The following TUBAL3 variants were observed in gnomAD, a reference collection of about 807,000 sequenced individuals.
The protein encoded by TUBAL3 is tubulin alpha like 3.
TUBAL3 carries 16 observed loss-of-function variants against 15.5 expected under a neutral mutation model. That is an observed-to-expected ratio of 1.04 (90% CI 0.70 to 1.57). The LOEUF (loss-of-function observed/expected upper bound fraction) is 1.57. Among genes scored for constraint, TUBAL3 ranks in the 40% most tolerant of loss-of-function variants. TUBAL3 has a pLI of 0.00. For synonymous variants in TUBAL3, 238 were observed against 224.3 expected, an observed-to-expected ratio of 1.06 and a Z score of -0.55; for missense variants, 609 against 576.2, an observed-to-expected ratio of 1.06 and a Z score of -0.58.
At position 5,393,791 on chromosome 10, in the gene TUBAL3, G is replaced by A. The variant is rs1554813756; in HGVS notation, c.1067C>T (p.Thr356Ile). The A allele has an allele frequency of 1.9e-6, 3 of 1,614,244 alleles. No homozygotes were observed. The highest frequency in any genetic ancestry group is 2.5e-6 in the Non-Finnish European group (3 of 1,180,044). Residue 356 changes from threonine (T) to isoleucine (I), a missense_variant, in exon 4 of 4, where the codon ACT (threonine) becomes ATT (isoleucine). Thr to Ile is a moderately conservative substitution (Grantham distance 89, BLOSUM62 -1). Transcript: ENST00000380419. ...ATTGTTGATGCCCACCTTGAAACCA[G>A]TTGGACACCAATCTACAAACTGAAC... ...HSVQFVDWCP[T>I]GFKVGINNRP...
At chr10:5,401,500 G>A (rs1046447371) in intron 1 of TUBAL3, among the ~76,000 whole-genome samples, 12 of 151,966 alleles carry the variant, frequency 7.9e-5, no homozygotes, top group Admixed American at 3.3e-4. Flanking sequence ...AATAAAATTA[G>A]CTAGTTATTG....
rs1831755131 is a variant in TUBAL3 at position 5,395,772 on chromosome 10, TA to T, written c.248-298del. On this transcript the variant is annotated intron_variant, in intron 2 of 3. Coordinates refer to ENST00000380419, the MANE Select transcript of TUBAL3 (RefSeq NM_024803.3). This position sits in a 1 kb window ranked among gnomAD's most constrained non-coding sequence, Gnocchi z 4.6. ...CTTAAAACAATAGGAATTTATTTCC[TA>T]ACAGCTCCAGAGGCTGGAAGTCTAA... is the stretch of plus-strand genomic sequence containing the variant. Among the ~76,000 whole-genome samples the T allele has an allele frequency of 6.6e-6, 1 of 152,186 alleles. No individual in the cohort carries two copies. Among genetic ancestry groups the T allele is most frequent in the Non-Finnish European group, 1.5e-5 (1 of 68,022 alleles).
At position 5,401,056 on chromosome 10, in the gene TUBAL3, G is replaced by C. The variant is rs1554814613; in HGVS notation, c.35C>G (p.Ala12Gly). The change falls in exon 2 of 4, where the codon GCT becomes GGT. Residue 12 changes from alanine (A) to glycine (G), a missense_variant. Ala to Gly is a moderately conservative substitution (Grantham distance 60). Coordinates refer to ENST00000380419, the MANE Select transcript of TUBAL3 (RefSeq NM_024803.3). ...RECLSIHIGQAGIQIGDACWE... is the reference protein window; with the variant it reads ...RECLSIHIGQGGIQIGDACWE... Reference sequence around the variant, plus strand: ...GCAGGCGTCCCCAATCTGGATGCCAGCTTGACCGATGTGGATGGAAAGGCA... The same window carrying C: ...GCAGGCGTCCCCAATCTGGATGCCACCTTGACCGATGTGGATGGAAAGGCA... The C allele has an allele frequency of 6.2e-7, 1 of 1,614,204 alleles. No individual in the cohort carries two copies. Among genetic ancestry groups the C allele is most frequent in the East Asian group, 2.2e-5 (1 of 44,884 alleles).
rs1554814249 is a variant in TUBAL3, at chr10:5,397,324, A to G, written c.248-1849T>C. Among the ~76,000 whole-genome samples the G allele has an allele frequency of 6.6e-6, 1 of 152,230 alleles. No individual in the cohort carries two copies. Among genetic ancestry groups the G allele is most frequent in the Non-Finnish European group, 1.5e-5 (1 of 68,042 alleles). On this transcript the variant is annotated intron_variant, in intron 2 of 3. Transcript: ENST00000380419. The surrounding 1 kb of genome is among the most constrained non-coding windows in gnomAD (Gnocchi z 4.9). The stretch of plus-strand genomic sequence containing the variant: ...TTTAAATAACTTTTAACTAGCTTAC[A>G]CACAAACCTCCCCCAGAGCTAGGAT...
rs112764418 is a variant in TUBAL3 at position 5,396,295 on chromosome 10, G to C, written c.248-820C>G. On this transcript the variant is annotated intron_variant, in intron 2 of 3. Coordinates refer to ENST00000380419, the MANE Select transcript of TUBAL3 (RefSeq NM_024803.3). The surrounding 1 kb of genome is among the most constrained non-coding windows in gnomAD (Gnocchi z 5.1). The stretch of plus-strand genomic sequence containing the variant: ...GGCTGAGGCAGGTGGATCACTTGAG[G>C]TCAGGAGCTTGAGACCAGCCTGGCC... 9.0e-4 allele frequency among the ~76,000 whole-genome samples: 137 copies of C among 152,190 alleles called. No individual in the cohort carries two copies. Among genetic ancestry groups the C allele is most frequent in the African/African-American group, 3.2e-3 (132 of 41,534 alleles).
chr10:5,393,673 C>T lies in TUBAL3; in HGVS notation c.1185G>A (p.Trp395Ter), dbSNP rs1423162275. 1 of 1,614,052 alleles carries T rather than the reference C, an allele frequency of 6.2e-7. No individual in the cohort carries two copies. Among genetic ancestry groups the T allele is most frequent in the Non-Finnish European group, 8.5e-7 (1 of 1,180,042 alleles). The change falls in exon 4 of 4, where the codon TGG becomes TGA. Residue 395 changes from tryptophan (W) to a stop codon, truncating the protein, a stop_gained. Coordinates refer to ENST00000380419, the MANE Select transcript of TUBAL3 (RefSeq NM_024803.3). LOFTEE classifies it high-confidence loss of function. ...GGTCAAACTTGTGGTCCAGGCGGGC[C>T]CAGGCCTCCACAATCGCCGTGGTGT... is the stretch of plus-strand genomic sequence containing the variant. The part of the protein sequence containing the change: ...LSNTTAIVEA[W>*]ARLDHKFDLM...
At chr10:5,402,521 GC>G (rs1831871439) in intron 1 of TUBAL3, among the ~76,000 whole-genome samples, 1 of 152,166 alleles carries the variant, frequency 6.6e-6, no homozygotes, top group Non-Finnish European at 1.5e-5. Context: ...CTGCCCTAAA[GC>G]CTGAGATTCA....
chr10:5,400,237 T>C (rs1831829081), intron 2 of TUBAL3, among the ~76,000 whole-genome samples: 2 of 152,236 alleles, frequency 1.3e-5, no homozygotes, highest in South Asian at 4.1e-4. Flanking sequence ...CAGTGCCTTC[T>C]AGCAAATGGC....
In TUBAL3 at chr10:5,395,931, C is replaced by T. The variant is rs1385871039; in HGVS notation, c.248-456G>A. On this transcript the variant is annotated intron_variant, in intron 2 of 3. Coordinates refer to ENST00000380419, the MANE Select transcript of TUBAL3 (RefSeq NM_024803.3). This position sits in a 1 kb window ranked among gnomAD's most constrained non-coding sequence, Gnocchi z 4.6. ...TCTAGCTACCCCCTTCCAATCTCTACCTCTGGCATACAAGCCTTTTCCCCT... is the reference window on the plus strand; with the variant it reads ...TCTAGCTACCCCCTTCCAATCTCTATCTCTGGCATACAAGCCTTTTCCCCT... Among the ~76,000 whole-genome samples, 1 of 152,148 alleles carries T rather than the reference C, an allele frequency of 6.6e-6. No homozygotes were observed. The highest frequency in any genetic ancestry group is 1.5e-5 in the Non-Finnish European group (1 of 68,036).
chr10:5,403,401 TCTTA>T (rs1447863058), intron 1 of TUBAL3, among the ~76,000 whole-genome samples: 2 of 152,208 alleles, frequency 1.3e-5, no homozygotes, highest in African/African-American at 4.8e-5. Flanking sequence ...CATTAAAACC[TCTTA>T]CTTTGTAAAG....
chr10:5,394,327 C>A lies in TUBAL3; in HGVS notation c.531G>T (p.Ser177=), dbSNP rs186242250. 1 of 1,614,072 alleles carries A rather than the reference C, an allele frequency of 6.2e-7. No individual in the cohort carries two copies. The stretch of plus-strand genomic sequence containing the variant: ...TGGAGATCCTGGGGGCTGGGTAGAC[C>A]GAGAACTCCAGCTTAGTCTTTCTGC... The part of the protein sequence containing the change: ...EYSRKTKLEF[S]VYPAPRISTA... Residue 177 remains serine, a synonymous_variant, in exon 4 of 4, where the codon TCG becomes TCT. Coordinates refer to ENST00000380419, the MANE Select transcript of TUBAL3 (RefSeq NM_024803.3). The surrounding 1 kb of genome is among the most constrained non-coding windows in gnomAD (Gnocchi z 4.3).
At chr10:5,401,779 T>C (rs1430078685) in intron 1 of TUBAL3, among the ~76,000 whole-genome samples, 1 of 151,562 alleles carries the variant, frequency 6.6e-6, no homozygotes, top group Non-Finnish European at 1.5e-5. Flanking sequence ...ATCCACTAGC[T>C]AGGCAAATGA....
At chr10:5,400,405 G>A (rs782532093) in intron 2 of TUBAL3, among the ~76,000 whole-genome samples, 1 of 152,162 alleles carries the variant, frequency 6.6e-6, no homozygotes, top group Non-Finnish European at 1.5e-5. Flanking sequence ...ACTAAGGCAG[G>A]TGGGTCACTT....
chr10:5,394,012 G>A lies in TUBAL3; in HGVS notation c.846C>T (p.Ile282=), dbSNP rs142943186. The A allele has an allele frequency of 2.0e-3, 3,307 of 1,614,188 alleles. 6 individuals are homozygous for A. The highest frequency in any genetic ancestry group is 2.1e-3 in the Admixed American group (128 of 60,030). ...CATGGTAGGCTTTGTCAGCAGAGAC[G>A]ATGGGGGCGAAGGCTGTCATGGGGA... is the stretch of plus-strand genomic sequence containing the variant. ...IHFPMTAFAP[I]VSADKAYHEQ... is the part of the protein sequence containing the mutation. Residue 282 remains isoleucine (I), a synonymous_variant, in exon 4 of 4, where the codon ATC becomes ATT. Transcript: ENST00000380419. The surrounding 1 kb of genome is among the most constrained non-coding windows in gnomAD (Gnocchi z 4.3).
rs1831734284 is a variant in TUBAL3 at position 5,394,563 on chromosome 10, C to A, written c.397-102G>T. ...ACAACAGGTTTCCCCAAAACAAAAT[C>A]TTTCAGAAAGGACTCCTTTGCCTTT... On this transcript the variant is annotated intron_variant, in intron 3 of 3. Coordinates refer to ENST00000380419, the MANE Select transcript of TUBAL3 (RefSeq NM_024803.3). The surrounding 1 kb of genome is among the most constrained non-coding windows in gnomAD (Gnocchi z 4.3). 1 of 1,099,642 alleles carries A rather than the reference C, an allele frequency of 9.1e-7. No individual in the cohort carries two copies. The highest frequency in any genetic ancestry group is 1.6e-5 in the African/African-American group (1 of 63,826). The allele number at this position is 1,099,642 out of a possible 1,614,324, so 68.1% of individuals were successfully genotyped here. A position where few individuals can be genotyped will look rare whatever the true frequency, so the allele number is the denominator to read the frequency against.
In TUBAL3 at chr10:5,394,094, A is replaced by G. The variant is rs1831721912; in HGVS notation, c.764T>C (p.Leu255Ser). 7 of 1,614,058 alleles carry G rather than the reference A, an allele frequency of 4.3e-6. No homozygotes were observed. The South Asian group carries it at 7.7e-5, about 18-fold the overall frequency. ...ITASLRFEGP[L>S]NVDLIEFQTN... ...CTGGAATTCAATTAGGTCTACATTC[A>G]AGGGCCCTTCAAACCGGAGGGAGGC... The change falls in exon 4 of 4, where the codon TTG becomes TCG. Residue 255 changes from leucine to serine, a missense_variant. Coordinates refer to ENST00000380419, the MANE Select transcript of TUBAL3 (RefSeq NM_024803.3). The surrounding 1 kb of genome is among the most constrained non-coding windows in gnomAD (Gnocchi z 4.3).
chr10:5,393,849 C>T lies in TUBAL3; in HGVS notation c.1009G>A (p.Ala337Thr), dbSNP rs1554813771. The change falls in exon 4 of 4, where the codon GCA becomes ACA. Residue 337 changes from alanine to threonine, a missense_variant. Transcript: ENST00000380419. Reference protein sequence around the residue: ...RGDVVPKEVNAAIAATKSRHS... With the variant: ...RGDVVPKEVNTAIAATKSRHS... ...CTCGACTTCGTGGCTGCGATTGCTG[C>T]ATTCACTTCCTTGGGGACCACATCC... The T allele has an allele frequency of 1.2e-6, 2 of 1,614,196 alleles. No individual in the cohort carries two copies. Among genetic ancestry groups the T allele is most frequent in the Non-Finnish European group, 1.7e-6 (2 of 1,180,042 alleles).
Position 5,395,584 on chromosome 10 carries a change from C to T in TUBAL3, c.248-109G>A, listed in dbSNP as rs1831752481. 7 of 1,212,418 alleles carry T rather than the reference C, an allele frequency of 5.8e-6. No homozygotes were observed. In the East Asian group the frequency reaches 2.0e-4, roughly 34 times the overall value. The allele number at this position is 1,212,418 out of a possible 1,614,324, so 75.1% of individuals were successfully genotyped here. A position where few individuals can be genotyped will look rare whatever the true frequency, so the allele number is the denominator to read the frequency against. ...CGTACTTGACTCCCATGCTTTCTCT[C>T]AATATTGTGGTCCAGGAATGGAATT... On this transcript the variant is annotated intron_variant, in intron 2 of 3. Coordinates refer to ENST00000380419, the MANE Select transcript of TUBAL3 (RefSeq NM_024803.3). The surrounding 1 kb of genome is among the most constrained non-coding windows in gnomAD (Gnocchi z 4.6).
In TUBAL3 at chr10:5,398,443, A is replaced by C. The variant is rs868916251; in HGVS notation, c.247+2401T>G. Among the ~76,000 whole-genome samples, 236 of 151,280 alleles carry C rather than the reference A, an allele frequency of 1.6e-3. No individual in the cohort carries two copies. The Middle Eastern group carries it at 0.017, about 11-fold the overall frequency. On this transcript the variant is annotated intron_variant, in intron 2 of 3. Coordinates refer to ENST00000380419, the MANE Select transcript of TUBAL3 (RefSeq NM_024803.3). The stretch of plus-strand genomic sequence containing the variant: ...CTCAAAAAAAAAAAAAAAAAAAAAA[A>C]AAAAACTTATCCACATGTAGTGACA...
Sources: allele counts gnomAD v4.1 joint callset (sites outside exome capture counted in the v4.1 genomes callset), GRCh38; gene constraint gnomAD v4.1.1; non-coding constraint Gnocchi (gnomAD v3.1); transcripts MANE v1.5; gene names NCBI Gene and HGNC (gene_info 2026-07-23, HGNC 2026-07-21).